SLAMF1: variants seen among roughly 807,000 people sequenced by gnomAD.
SLAMF1 encodes the protein signaling lymphocytic activation molecule.
SLAMF1 carries 18 observed loss-of-function variants against 35.1 expected under a neutral mutation model. The ratio of observed to expected loss-of-function variants is 0.51; its 90% CI spans 0.35 to 0.76. SLAMF1 has a LOEUF of 0.76. SLAMF1 is among the 30% of genes least tolerant of loss of function. The pLI, the probability that SLAMF1 is intolerant of heterozygous loss-of-function variation, is 0.01. For missense variants in SLAMF1, 392 were observed against 413.0 expected, an observed-to-expected ratio of 0.95 and a Z score of 0.44; for synonymous variants, 168 against 157.2, an observed-to-expected ratio of 1.07 and a Z score of -0.51.
intron 4 of SLAMF1, 34 bp downstream of exon 4, chr1:160,624,062 T>C (rs766008485): frequency 2.8e-6 from 4 of 1,417,184 alleles, no homozygotes; most frequent in Non-Finnish European, 3.9e-6. Flanking sequence ...CCACAGAGAG[T>C]GTGATAAGAA....
chr1:160,629,923 C>G (rs1301279576), intron 3 of SLAMF1, among the ~76,000 whole-genome samples: 1 of 152,182 alleles, frequency 6.6e-6, no homozygotes, highest in Non-Finnish European at 1.5e-5. Flanking sequence ...CTAAGTGACT[C>G]TGAAACAATG....
intron 3 of SLAMF1, 171 bp downstream of exon 3, chr1:160,634,442 T>C: frequency 1.0e-6 from 1 of 975,804 alleles, no homozygotes; most frequent in Non-Finnish European, 1.2e-6. Flanking sequence ...GCCACCCTGG[T>C]CAATATGAGA....
At chr1:160,619,094 C>A (rs193069233) in intron 5 of SLAMF1, among the ~76,000 whole-genome samples, 1 of 152,280 alleles carries the variant, frequency 6.6e-6, no homozygotes, top group Non-Finnish European at 1.5e-5. Flanking sequence ...TACCTACACC[C>A]CAAATGTCCA....
chr1:160,618,120 T>G (rs1659408209), intron 5 of SLAMF1, among the ~76,000 whole-genome samples: 1 of 152,096 alleles, frequency 6.6e-6, no homozygotes, highest in South Asian at 2.1e-4. Flanking sequence ...AAAAATGTAA[T>G]TTCTCCTCAT....
rs967146639 is a variant in SLAMF1 at position 160,624,109 on chromosome 1, C to T, written c.777G>A (p.Gln259=). 1.1e-5 allele frequency: 18 copies of T among 1,602,868 alleles called. No individual in the cohort carries two copies. Among genetic ancestry groups the T allele is most frequent in the Non-Finnish European group, 1.4e-5 (17 of 1,172,778 alleles). ...CCAGACACCTACCTCTTCTTCTCAA[C>T]TGTAGTATTACCACCATGATGAGAA... ...IMILIMVVIL[Q]LRRRGKTNHY... Residue 259 remains glutamine (Q), a synonymous_variant, in exon 4 of 7, where the codon CAG becomes CAA. Transcript: ENST00000302035.
At position 160,642,445 on chromosome 1, in the gene SLAMF1, A is replaced by C. The variant is rs1002962483; in HGVS notation, c.76+4425T>G. On this transcript the variant is annotated intron_variant, in intron 1 of 6. Coordinates refer to ENST00000302035, the MANE Select transcript of SLAMF1 (RefSeq NM_003037.5). This position sits in a 1 kb window ranked among gnomAD's most constrained non-coding sequence, Gnocchi z 4.2. ...ATGGACAATGAACGCACTCCTTCAT[A>C]TCATTCATCACGTGTTCAACTCTGG... 6.6e-6 allele frequency among the ~76,000 whole-genome samples: 1 copy of C among 152,158 alleles called. No homozygotes were observed. Among genetic ancestry groups the C allele is most frequent in the Non-Finnish European group, 1.5e-5 (1 of 68,044 alleles).
Position 160,637,225 on chromosome 1 carries a change from T to A in SLAMF1, c.381A>T (p.Ser127=). 6.2e-7 allele frequency: 1 copy of A among 1,614,090 alleles called. No homozygotes were observed. The highest frequency in any genetic ancestry group is 1.1e-5 in the South Asian group (1 of 91,080). Residue 127 remains serine (S), a synonymous_variant, in exon 2 of 7, where the codon TCA becomes TCT. Coordinates refer to ENST00000302035, the MANE Select transcript of SLAMF1 (RefSeq NM_003037.5). ...TCAACTGCAGGCAAAAGCGCTGAAC[T>A]GAAACATTTTTCTCCAGGGTCATAA... ...WYLMTLEKNV[S]VQRFCLQLRL...
At chr1:160,627,053 C>A (rs1385374338) in intron 3 of SLAMF1, among the ~76,000 whole-genome samples, 1 of 152,194 alleles carries the variant, frequency 6.6e-6, no homozygotes, top group Non-Finnish European at 1.5e-5. Context: ...CTTTACCATG[C>A]AGACCATTTT....
chr1:160,646,325 C>T (rs906718950), intron 1 of SLAMF1, among the ~76,000 whole-genome samples: 3 of 152,150 alleles, frequency 2.0e-5, no homozygotes, highest in East Asian at 1.9e-4. Context: ...CCAGTATGAC[C>T]GCACTGTGGC....
At position 160,623,183 on chromosome 1, in the gene SLAMF1, A is replaced by G. The variant is rs148054600; in HGVS notation, c.790+913T>C. On this transcript the variant is annotated intron_variant, in intron 4 of 6. Transcript: ENST00000302035. ...AGGTTAATGTGGATAAGTTAAGTTCAGTTTTCTCATCCTGGGTCATCTCAC... is the reference window on the plus strand; with the variant it reads ...AGGTTAATGTGGATAAGTTAAGTTCGGTTTTCTCATCCTGGGTCATCTCAC... Among the ~76,000 whole-genome samples, 184 of 152,262 alleles carry G rather than the reference A, an allele frequency of 1.2e-3. 1 individual carries two copies. The highest frequency in any genetic ancestry group is 4.2e-3 in the African/African-American group (175 of 41,540).
At chr1:160,623,469 G>A (rs1659723036) in intron 4 of SLAMF1, 3 of 398,350 alleles carry the variant, frequency 7.5e-6, no homozygotes, top group Admixed American at 8.8e-5. Context: ...TCAGTCATCA[G>A]CTCAGTGTTA....
chr1:160,617,151 G>A (rs1025118987), intron 5 of SLAMF1, among the ~76,000 whole-genome samples: 3 of 131,122 alleles, frequency 2.3e-5, no homozygotes, highest in Non-Finnish European at 5.2e-5. Context: ...GTGAAACTCT[G>A]TCTCAAAAAA....
intron 3 of SLAMF1, among the ~76,000 whole-genome samples, chr1:160,626,474 G>A (rs770393513): frequency 8.5e-5 from 13 of 152,230 alleles, no homozygotes; most frequent in Non-Finnish European, 1.2e-4. Flanking sequence ...CCATGGTCCT[G>A]AAAGATATTT....
chr1:160,640,878 A>G (rs924445513), intron 1 of SLAMF1, among the ~76,000 whole-genome samples: 3 of 152,180 alleles, frequency 2.0e-5, no homozygotes, highest in African/African-American at 7.2e-5. Flanking sequence ...GCTTGATGAC[A>G]TGAGGAACAT....
chr1:160,624,564 T>C (rs1659782713), intron 3 of SLAMF1, among the ~76,000 whole-genome samples: 1 of 152,212 alleles, frequency 6.6e-6, no homozygotes, highest in African/African-American at 2.4e-5. Context: ...AAAGAGAATA[T>C]AATGGTTCCA....
At chr1:160,622,648 T>G (rs1174118186) in intron 4 of SLAMF1, among the ~76,000 whole-genome samples, 1 of 152,250 alleles carries the variant, frequency 6.6e-6, no homozygotes. Flanking sequence ...TGTGTATTGA[T>G]ACCAATCTCC....
chr1:160,633,631 C>A (rs1483817802), intron 3 of SLAMF1, among the ~76,000 whole-genome samples: 1 of 152,182 alleles, frequency 6.6e-6, no homozygotes, highest in Non-Finnish European at 1.5e-5. Flanking sequence ...CAGAGCAACA[C>A]CCTGGTCCTA....
chr1:160,611,209 A>T (rs1205472323), intron 6 of SLAMF1, among the ~76,000 whole-genome samples: 1 of 152,190 alleles, frequency 6.6e-6, no homozygotes, highest in East Asian at 1.9e-4. Context: ...AGAAGAGAAA[A>T]GTGGTATTGG....
At chr1:160,622,055 T>C (rs1659642353) in intron 4 of SLAMF1, among the ~76,000 whole-genome samples, 1 of 152,140 alleles carries the variant, frequency 6.6e-6, no homozygotes, top group South Asian at 2.1e-4. Context: ...ACTTTCAGTC[T>C]TGCAGGTCAG....
Sources: gnomAD v4.1 joint callset for allele counts (sites outside exome capture counted in the v4.1 genomes callset) on GRCh38, gnomAD v4.1.1 for gene constraint, Gnocchi (gnomAD v3.1) non-coding constraint, MANE v1.5 for transcripts, NCBI Gene and HGNC (gene_info 2026-07-23, HGNC 2026-07-21) for gene names.